Variants in ASAP1 observed in about 807,000 individuals in gnomAD.
ASAP1 encodes the protein arf-GAP with SH3 domain, ANK repeat and PH domain-containing protein 1.
ASAP1 carries 43 observed loss-of-function variants against 145.2 expected under a neutral mutation model. That is an observed-to-expected ratio of 0.30 (90% CI 0.23 to 0.38). ASAP1 has a LOEUF of 0.38. Ranked by LOEUF, ASAP1 falls within the 10% of genes least tolerant of loss-of-function variation. ASAP1 has a pLI of 1.00. For synonymous variants in ASAP1, 546 were observed against 515.5 expected (o/e 1.06, Z -0.80); for missense variants, 1,018 against 1,355.3 (o/e 0.75, Z 3.91).
At chr8:130,086,530 G>A (rs1334975382) in intron 25 of ASAP1, among the ~76,000 whole-genome samples, 1 of 152,222 alleles carries the variant, frequency 6.6e-6, no homozygotes, top group African/African-American at 2.4e-5. Context: ...TGGGCTGGGT[G>A]TGGTGGCTCA....
In ASAP1 at chr8:130,358,514, G is replaced by A. The variant is rs941430502; in HGVS notation, c.60-371C>T. Among the ~76,000 whole-genome samples, 1 of 147,908 alleles carries A rather than the reference G, an allele frequency of 6.8e-6. No homozygotes were observed. The highest frequency in any genetic ancestry group is 2.4e-5 in the African/African-American group (1 of 40,956). On this transcript the variant is annotated intron_variant, in intron 2 of 29. Transcript: ENST00000518721. This position sits in a 1 kb window ranked among gnomAD's most constrained non-coding sequence, Gnocchi z 4.1. The stretch of plus-strand genomic sequence containing the variant: ...GTCTGGGCTCCGGCCGGCCGCTGGG[G>A]CGTGCGCGGGCTGGGCGGCTGGGGC...
intron 26 of ASAP1, among the ~76,000 whole-genome samples, chr8:130,076,682 G>A (rs554648561): frequency 1.1e-4 from 16 of 152,000 alleles, no homozygotes; most frequent in African/African-American, 3.6e-4. Flanking sequence ...CACCACACCC[G>A]GCTAATTTTT....
At chr8:130,315,040 T>C (rs1481389975) in intron 3 of ASAP1, among the ~76,000 whole-genome samples, 1 of 152,174 alleles carries the variant, frequency 6.6e-6, no homozygotes, top group East Asian at 1.9e-4. Context: ...AATTTTACTA[T>C]GACAATTAGT....
intron 18 of ASAP1, among the ~76,000 whole-genome samples, chr8:130,121,635 C>T (rs936741645): frequency 3.3e-5 from 5 of 151,684 alleles, no homozygotes; most frequent in African/African-American, 1.2e-4. Context: ...ATACAAAAAA[C>T]TAGTCGGGCA....
chr8:130,247,915 G>A (rs993453970), intron 3 of ASAP1, among the ~76,000 whole-genome samples: 3 of 152,122 alleles, frequency 2.0e-5, no homozygotes, highest in Admixed American at 2.0e-4. Context: ...ATGTGTACCT[G>A]CATACAGAAA....
chr8:130,272,120 C>T (rs561475702), intron 3 of ASAP1, among the ~76,000 whole-genome samples: 1 of 152,130 alleles, frequency 6.6e-6, no homozygotes, highest in South Asian at 2.1e-4. Flanking sequence ...GGTGTGATCA[C>T]ACCACTGCAC....
chr8:130,135,564 G>C (rs1432765541), intron 14 of ASAP1, among the ~76,000 whole-genome samples: 1 of 152,192 alleles, frequency 6.6e-6, no homozygotes. Flanking sequence ...CAGAGCCTGA[G>C]AGCTTTGGTT....
At chr8:130,088,285 C>T (rs1304488530) in intron 25 of ASAP1, among the ~76,000 whole-genome samples, 8 of 152,132 alleles carry the variant, frequency 5.3e-5, no homozygotes, top group Admixed American at 5.2e-4. Flanking sequence ...CATGCGCCAC[C>T]ATGCCCAGCT....
At chr8:130,373,987 A>T (rs1039884589) in intron 2 of ASAP1, among the ~76,000 whole-genome samples, 1 of 151,432 alleles carries the variant, frequency 6.6e-6, no homozygotes, top group African/African-American at 2.4e-5. Context: ...ATATAAAATT[A>T]AAAAATATTT....
At chr8:130,233,573 G>A (rs1244775223) in intron 4 of ASAP1, among the ~76,000 whole-genome samples, 1 of 152,138 alleles carries the variant, frequency 6.6e-6, no homozygotes, top group Non-Finnish European at 1.5e-5. Context: ...AATACAAAAT[G>A]AATATCATTT....
Position 130,112,251 on chromosome 8 carries a change from C to T in ASAP1, c.2244G>A (p.Gln748=). The T allele has an allele frequency of 3.1e-6, 5 of 1,614,174 alleles. No individual in the cohort carries two copies. The highest frequency in any genetic ancestry group is 4.5e-5 in the East Asian group (2 of 44,892). The part of the protein sequence containing the change: ...SFCHSSSISP[Q]DKLALPGFST... ...TGAATCCTGGCAGTGCCAGCTTGTC[C>T]TGGGGGGAGATGCTGGAGGAGTGGC... The change falls in exon 24 of 30, where the codon CAG becomes CAA. Residue 748 remains glutamine, a synonymous_variant. Transcript: ENST00000518721.
At chr8:130,077,177 G>T (rs2097464394) in intron 26 of ASAP1, among the ~76,000 whole-genome samples, 1 of 152,180 alleles carries the variant, frequency 6.6e-6, no homozygotes, top group Admixed American at 6.5e-5. Flanking sequence ...CTATAGCAAA[G>T]AGCTTGGTTC....
At chr8:130,374,378 A>T (rs958577447) in intron 2 of ASAP1, among the ~76,000 whole-genome samples, 12 of 152,242 alleles carry the variant, frequency 7.9e-5, no homozygotes, top group African/African-American at 2.9e-4. Context: ...TAATTAAAAT[A>T]AAAGGATAGG....
rs1371848423 is a variant in ASAP1 at position 130,167,551 on chromosome 8, T to G, written c.894A>C (p.Gln298His). The change falls in exon 11 of 30, where the codon CAA (glutamine) becomes CAC (histidine). Residue 298 changes from glutamine (Q) to histidine (H), a missense_variant. By Grantham distance (24) the Gln-to-His change is conservative (BLOSUM62 0). This residue lies in a region of ASAP1 where 62 missense variants were observed against 68.5 expected (regional missense o/e 0.90). Transcript: ENST00000518721. ...ALRDLIKSSL[Q>H]LDQKEDSQSR... is the part of the protein sequence containing the mutation. ...AACCACTTACTTCTTTCTGATCCAG[T>G]TGAAGAGAGGATTTTATTAAGTCTC... 6.2e-7 allele frequency: 1 copy of G among 1,613,634 alleles called. No homozygotes were observed. Among genetic ancestry groups the G allele is most frequent in the Non-Finnish European group, 8.5e-7 (1 of 1,179,676 alleles).
rs550690906 is a variant in ASAP1 at position 130,081,124 on chromosome 8, T to C, written c.2573-1153A>G. 1.8e-3 allele frequency among the ~76,000 whole-genome samples: 277 copies of C among 152,348 alleles called. 1 individual carries two copies. The highest frequency in any genetic ancestry group is 6.4e-3 in the African/African-American group (268 of 41,580). The stretch of plus-strand genomic sequence containing the variant: ...GCTGTCAATTGAGGAGAATAGTTTC[T>C]AAACTCTGACTGCTGGCAGGAGTGG... On this transcript the variant is annotated intron_variant, in intron 25 of 29. Coordinates refer to ENST00000518721, the MANE Select transcript of ASAP1 (RefSeq NM_018482.4).
At chr8:130,164,997 A>G (rs776293541) in intron 11 of ASAP1, among the ~76,000 whole-genome samples, 5 of 152,222 alleles carry the variant, frequency 3.3e-5, no homozygotes, top group Non-Finnish European at 5.9e-5. Context: ...ATGAGTGATG[A>G]TAAACAGCAT....
chr8:130,069,906 C>T (rs866237484), intron 27 of ASAP1, among the ~76,000 whole-genome samples: 3 of 152,162 alleles, frequency 2.0e-5, no homozygotes, highest in African/African-American at 7.2e-5. Flanking sequence ...AGACCCAAAG[C>T]TTTTTGCGCA....
chr8:130,295,067 C>A (rs2137345256), intron 3 of ASAP1, among the ~76,000 whole-genome samples: 1 of 152,084 alleles, frequency 6.6e-6, no homozygotes, highest in African/African-American at 2.4e-5. Flanking sequence ...AGTTCAAGAC[C>A]AGCCTGGGCA....
At chr8:130,074,543 G>A (rs765485899) in intron 27 of ASAP1, among the ~76,000 whole-genome samples, 3 of 151,704 alleles carry the variant, frequency 2.0e-5, no homozygotes, top group Non-Finnish European at 4.4e-5. Context: ...GGTCTTCATG[G>A]GTATTGACAG....
Sources: gnomAD v4.1 joint callset for allele counts (sites outside exome capture counted in the v4.1 genomes callset) on GRCh38, gnomAD v4.1.1 for gene constraint, gnomAD v4.1.1 regional missense constraint, Gnocchi (gnomAD v3.1) non-coding constraint, MANE v1.5 for transcripts, NCBI Gene and HGNC (gene_info 2026-07-23, HGNC 2026-07-21) for gene names.